The following TECRL variants were observed in gnomAD, a reference collection of about 807,000 sequenced individuals.
The protein encoded by TECRL is trans-2,3-enoyl-CoA reductase-like.
A neutral mutation model predicts 52.8 loss-of-function variants in TECRL; 63 were observed. The observed-to-expected ratio is 1.19, with a 90% confidence interval of 0.97 to 1.47. The LOEUF is 1.47. TECRL is among the 40% of genes most tolerant of loss of function. The probability of loss-of-function intolerance (pLI) is 0.00; values close to 1 mark genes in which losing one functional copy is unlikely to be tolerated. For missense variants in TECRL, 482 were observed against 429.6 expected (o/e 1.12, Z -1.08); for synonymous variants, 164 against 141.9 (o/e 1.16, Z -1.10).
chr4:64,293,567 G>T (rs1019155452), intron 8 of TECRL, among the ~76,000 whole-genome samples: 2 of 151,994 alleles, frequency 1.3e-5, no homozygotes, highest in East Asian at 1.9e-4. Context: ...TCAGTAACCC[G>T]CTGTCATTGT....
At chr4:64,365,208 TAA>T (rs61388326) in intron 2 of TECRL, among the ~76,000 whole-genome samples, 2 of 146,350 alleles carry the variant, frequency 1.4e-5, no homozygotes, top group African/African-American at 5.0e-5. Context: ...TGCTTCATGT[TAA>T]AAAAAAAAAA....
chr4:64,403,588 C>T (rs946846517), intron 1 of TECRL, among the ~76,000 whole-genome samples: 5 of 151,710 alleles, frequency 3.3e-5, no homozygotes, highest in African/African-American at 9.7e-5. Flanking sequence ...ATAAATATAA[C>T]TTCTCCAGGA....
chr4:64,369,014 G>A (rs1721807656), intron 2 of TECRL, among the ~76,000 whole-genome samples: 1 of 152,052 alleles, frequency 6.6e-6, no homozygotes, highest in South Asian at 2.1e-4. Context: ...TTCTTACCTT[G>A]CTTTGTTCCC....
At chr4:64,294,270 A>C (rs1723557800) in intron 8 of TECRL, among the ~76,000 whole-genome samples, 1 of 152,086 alleles carries the variant, frequency 6.6e-6, no homozygotes, top group African/African-American at 2.4e-5. Context: ...TACAGGTGTG[A>C]GCCACAGCGC....
At chr4:64,304,316 A>G (rs553176775) in intron 7 of TECRL, among the ~76,000 whole-genome samples, 1 of 152,100 alleles carries the variant, frequency 6.6e-6, no homozygotes, top group South Asian at 2.1e-4. Flanking sequence ...AGTTTTAATC[A>G]TTAAAATCAA....
At chr4:64,376,723 C>A (rs1181825052) in intron 1 of TECRL, among the ~76,000 whole-genome samples, 2 of 151,870 alleles carry the variant, frequency 1.3e-5, no homozygotes, top group Non-Finnish European at 2.9e-5. Flanking sequence ...TTTTCATAAT[C>A]AATAATCCCT....
intron 2 of TECRL, among the ~76,000 whole-genome samples, chr4:64,332,930 T>C (rs1461323909): frequency 6.6e-6 from 1 of 152,056 alleles, no homozygotes; most frequent in African/African-American, 2.4e-5. Context: ...AAAAGCTATA[T>C]ATTGAATGAT....
At chr4:64,359,557 A>G (rs1721030234) in intron 2 of TECRL, among the ~76,000 whole-genome samples, 1 of 151,974 alleles carries the variant, frequency 6.6e-6, no homozygotes, top group African/African-American at 2.4e-5. Context: ...AAACATCACC[A>G]TGTCATGAAA....
chr4:64,379,956 GT>G (rs1385577200), intron 1 of TECRL, among the ~76,000 whole-genome samples: 2 of 151,882 alleles, frequency 1.3e-5, no homozygotes, highest in Non-Finnish European at 2.9e-5. Context: ...TTCTATTTTT[GT>G]TTTCTGAGAC....
chr4:64,365,551 A>G (rs971128492), intron 2 of TECRL, among the ~76,000 whole-genome samples: 4 of 152,152 alleles, frequency 2.6e-5, no homozygotes, highest in South Asian at 2.1e-4. Flanking sequence ...TACAAAACCA[A>G]TGTACAATAA....
At chr4:64,360,915 G>A (rs144982062) in intron 2 of TECRL, among the ~76,000 whole-genome samples, 1 of 152,138 alleles carries the variant, frequency 6.6e-6, no homozygotes. Flanking sequence ...GGCGCAGAAG[G>A]TTTGGTGCAG....
At chr4:64,313,780 G>A (rs1405704039) in intron 5 of TECRL, among the ~76,000 whole-genome samples, 5 of 150,442 alleles carry the variant, frequency 3.3e-5, no homozygotes, top group Non-Finnish European at 7.4e-5. Flanking sequence ...CAGCACGGCT[G>A]CCTTACTCTT....
intron 9 of TECRL, among the ~76,000 whole-genome samples, chr4:64,283,705 A>G (rs1467387813): frequency 6.6e-6 from 1 of 152,082 alleles, no homozygotes. Flanking sequence ...TAACTGCAAA[A>G]GTAGTCAAAC....
intron 9 of TECRL, among the ~76,000 whole-genome samples, chr4:64,282,353 C>G (rs934397198): frequency 6.6e-6 from 1 of 151,966 alleles, no homozygotes. Context: ...AACAAATCAG[C>G]TAAACTCTTT....
At chr4:64,315,818 T>C (rs895817515) in intron 4 of TECRL, among the ~76,000 whole-genome samples, 18 of 152,100 alleles carry the variant, frequency 1.2e-4, no homozygotes, top group Non-Finnish European at 1.8e-4. Context: ...ACATAAATAG[T>C]AATTTACATA....
chr4:64,407,265 T>C (rs1406216441), intron 1 of TECRL, among the ~76,000 whole-genome samples: 2 of 152,052 alleles, frequency 1.3e-5, no homozygotes, highest in African/African-American at 4.8e-5. Flanking sequence ...GAGATGCAAA[T>C]GTCAGGACTC....
chr4:64,361,304 C>G (rs1357000895), intron 2 of TECRL, among the ~76,000 whole-genome samples: 1 of 152,178 alleles, frequency 6.6e-6, no homozygotes, highest in Non-Finnish European at 1.5e-5. Flanking sequence ...TACGCATACA[C>G]AGAACACCTA....
intron 4 of TECRL, among the ~76,000 whole-genome samples, chr4:64,316,469 A>G (rs914364320): frequency 3.9e-5 from 6 of 152,160 alleles, no homozygotes; most frequent in Non-Finnish European, 8.8e-5. Context: ...CATTTAAAAA[A>G]ATTATTTCAG....
chr4:64,322,787 G>T lies in TECRL; in HGVS notation c.337C>A (p.Pro113Thr). 1 of 1,593,342 alleles carries T rather than the reference G, an allele frequency of 6.3e-7. No individual in the cohort carries two copies. Among genetic ancestry groups the T allele is most frequent in the Non-Finnish European group, 8.5e-7 (1 of 1,172,074 alleles). The change falls in exon 4 of 12, where the codon CCT (proline) becomes ACT (threonine). Residue 113 changes from proline to threonine, a missense_variant. Coordinates refer to ENST00000381210, the MANE Select transcript of TECRL (RefSeq NM_001010874.5). ...RVGLQLECGG[P>T]FLKDYITIQS... ...ATGGTAATGTAGTCCTTCAAAAAAG[G>T]CCCGCCTAAAATAAAAATAACAAGA...
Sources: gnomAD v4.1 joint callset for allele counts (sites outside exome capture counted in the v4.1 genomes callset) on GRCh38, gnomAD v4.1.1 for gene constraint, MANE v1.5 for transcripts, NCBI Gene and HGNC (gene_info 2026-07-23, HGNC 2026-07-21) for gene names.